Variants in CNTNAP3B observed in about 807,000 individuals in gnomAD.
CNTNAP3B encodes contactin-associated protein-like 3B.
A neutral mutation model predicts 108.9 loss-of-function variants in CNTNAP3B; 25 were observed. The ratio of observed to expected loss-of-function variants is 0.23; its 90% CI spans 0.17 to 0.32. CNTNAP3B has a LOEUF of 0.32. Among genes scored for constraint, CNTNAP3B ranks in the 10% least tolerant of loss-of-function variants. The probability of loss-of-function intolerance (pLI) is 1.00; values close to 1 mark genes in which losing one functional copy is unlikely to be tolerated. For synonymous variants in CNTNAP3B, 103 were observed against 473.4 expected, an observed-to-expected ratio of 0.22 and a Z score of 10.16; for missense variants, 252 against 1,210.4, an observed-to-expected ratio of 0.21 and a Z score of 11.75.
At chr9:41,931,122 C>T (rs1329120387) in intron 14 of CNTNAP3B, among the ~76,000 whole-genome samples, 8 of 152,262 alleles carry the variant, frequency 5.3e-5, no homozygotes, top group Admixed American at 5.2e-4. Flanking sequence ...CAAAAGATCA[C>T]AATAATTGAT....
intron 11 of CNTNAP3B, among the ~76,000 whole-genome samples, chr9:41,962,168 G>GTTATATACAATTAATAA (rs1825118149): frequency 6.6e-6 from 1 of 152,098 alleles, no homozygotes; most frequent in African/African-American, 2.4e-5. Flanking sequence ...TATACAATGA[G>GTTATATACAATTAATAA]TTATATACAA....
Position 41,995,603 on chromosome 9 carries a change from C to A in CNTNAP3B, c.1071+602G>T, listed in dbSNP as rs1169179165. 1.1e-3 allele frequency among the ~76,000 whole-genome samples: 143 copies of A among 129,072 alleles called. 3 individuals are homozygous for A. Among genetic ancestry groups the A allele is most frequent in the African/African-American group, 4.1e-3 (128 of 31,360 alleles). The allele number at this position is 129,072 out of a possible 152,430, so 84.7% of individuals were successfully genotyped here. On this transcript the variant is annotated intron_variant, in intron 7 of 23. Transcript: ENST00000377561. ...ACAAAAAGCCGGGCATGCTGGTGGG[C>A]ACCTGTAGTCCCAGGTACTCGGGAG...
rs1158393836 is a variant in CNTNAP3B at position 42,096,102 on chromosome 9, C to T, written c.196+8527G>A. Reference sequence around the variant, plus strand: ...CTGTCCTCACCGGCCACCAGAGCTGCCGCAGGGCGTCCAGTCCTGTCACTG... The same window carrying T: ...CTGTCCTCACCGGCCACCAGAGCTGTCGCAGGGCGTCCAGTCCTGTCACTG... On this transcript the variant is annotated intron_variant, in intron 2 of 23. Coordinates refer to ENST00000377561, the MANE Select transcript of CNTNAP3B (RefSeq NM_001201380.3). Among the ~76,000 whole-genome samples, 8 of 139,946 alleles carry T rather than the reference C, an allele frequency of 5.7e-5. 1 individual carries two copies. The highest frequency in any genetic ancestry group is 2.3e-4 in the African/African-American group (8 of 35,348). The allele number at this position is 139,946 out of a possible 152,430, so 91.8% of individuals were successfully genotyped here.
At chr9:41,934,323 A>G (rs1320803227) in intron 14 of CNTNAP3B, among the ~76,000 whole-genome samples, 2 of 151,090 alleles carry the variant, frequency 1.3e-5, no homozygotes, top group Non-Finnish European at 2.9e-5. Context: ...GGTTCATGCC[A>G]TTCTCCTGCC....
intron 12 of CNTNAP3B, among the ~76,000 whole-genome samples, chr9:41,955,523 T>C (rs1159052173): frequency 2.0e-5 from 3 of 152,276 alleles, no homozygotes; most frequent in Non-Finnish European, 4.4e-5. Flanking sequence ...ATATAACCCT[T>C]ATATTTTTCT....
rs1826880171 is a variant in CNTNAP3B, at chr9:42,046,601, C to A, written c.390+30268G>T. 2.8e-5 allele frequency among the ~76,000 whole-genome samples: 3 copies of A among 108,500 alleles called. No individual in the cohort carries two copies. The South Asian group carries it at 8.9e-4, about 32-fold the overall frequency. 71.2% of individuals were successfully genotyped at this position (108,500 alleles called of 152,430 possible). A position where few individuals can be genotyped will look rare whatever the true frequency, so the allele number is the denominator to read the frequency against. ...GTGATAGCAGCTGGGTGTTTCATAG[C>A]CAACAGGCCTACACATACCACAGAA... On this transcript the variant is annotated intron_variant, in intron 3 of 23. Coordinates refer to ENST00000377561, the MANE Select transcript of CNTNAP3B (RefSeq NM_001201380.3).
chr9:42,114,978 C>T (rs1443090382), intron 1 of CNTNAP3B, among the ~76,000 whole-genome samples: 3 of 136,512 alleles, frequency 2.2e-5, no homozygotes, highest in Middle Eastern at 3.5e-3. Flanking sequence ...CACTGGAACC[C>T]GGGAGGTGGA....
chr9:41,961,388 G>A (rs1825086632), intron 11 of CNTNAP3B, among the ~76,000 whole-genome samples: 1 of 152,306 alleles, frequency 6.6e-6, no homozygotes. Flanking sequence ...AAAACTTTGT[G>A]AATCTGAATT....
intron 2 of CNTNAP3B, among the ~76,000 whole-genome samples, chr9:42,083,360 CA>C (rs1180574359): frequency 2.7e-5 from 1 of 36,836 alleles, no homozygotes; most frequent in East Asian, 7.4e-4. Flanking sequence ...TTTCACCTAA[CA>C]GAAGAACATG....
At chr9:41,968,736 T>C (rs1054236781) in intron 10 of CNTNAP3B, among the ~76,000 whole-genome samples, 8 of 145,116 alleles carry the variant, frequency 5.5e-5, no homozygotes, top group African/African-American at 2.1e-4. Flanking sequence ...TAAAACAGAA[T>C]TGACTAACTG....
At chr9:42,024,859 G>A (rs1387849867) in intron 3 of CNTNAP3B, among the ~76,000 whole-genome samples, 1 of 144,026 alleles carries the variant, frequency 6.9e-6, no homozygotes, top group Non-Finnish European at 1.5e-5. Context: ...AGCTAATAAA[G>A]CTTCAGACTC....
intron 14 of CNTNAP3B, among the ~76,000 whole-genome samples, chr9:41,934,120 TATACACACAC>T (rs1479752008): frequency 1.7e-4 from 20 of 120,422 alleles, no homozygotes; most frequent in African/African-American, 6.8e-4. Context: ...TATATATATA[TATACACACAC>T]ATATATATAT....
rs540796291 is a variant in CNTNAP3B at position 42,038,516 on chromosome 9, A to T, written c.391-24991T>A. Among the ~76,000 whole-genome samples the T allele has an allele frequency of 3.6e-5, 4 of 112,324 alleles. 1 individual carries two copies. In the South Asian group the frequency reaches 1.1e-3, roughly 31 times the overall value. 73.7% of individuals were successfully genotyped at this position (112,324 alleles called of 152,430 possible). On this transcript the variant is annotated intron_variant, in intron 3 of 23. Transcript: ENST00000377561. ...TAAAACAGACTTTAAACCAACAAAG[A>T]TCAAAAGAGACAAAGAAGGCCATTA...
At chr9:41,988,630 T>C (rs976088302) in intron 8 of CNTNAP3B, among the ~76,000 whole-genome samples, 2 of 147,432 alleles carry the variant, frequency 1.4e-5, no homozygotes, top group African/African-American at 2.5e-5. Context: ...GACATGCAAA[T>C]GAATTTTGTC....
intron 14 of CNTNAP3B, among the ~76,000 whole-genome samples, chr9:41,934,430 C>A (rs1418981197): frequency 2.0e-5 from 3 of 152,256 alleles, no homozygotes; most frequent in Non-Finnish European, 4.4e-5. Context: ...CCTGTGTTAG[C>A]CAGGATGGTC....
chr9:41,963,082 T>C (rs1825155412), intron 11 of CNTNAP3B, among the ~76,000 whole-genome samples: 1 of 152,282 alleles, frequency 6.6e-6, no homozygotes, highest in Non-Finnish European at 1.5e-5. Context: ...TGTCTCCTCT[T>C]TTGCCCAGAT....
In CNTNAP3B at chr9:42,056,456, T is replaced by A. The variant is rs1827073331; in HGVS notation, c.390+20413A>T. On this transcript the variant is annotated intron_variant, in intron 3 of 23. Transcript: ENST00000377561. ...AGCTCCACCTCCCGGGTTCACAGCA[T>A]TCTCCTTCCTCAGCCTCCTGAGTAG... is the stretch of plus-strand genomic sequence containing the variant. 1.5e-5 allele frequency among the ~76,000 whole-genome samples: 2 copies of A among 137,862 alleles called. 1 individual carries two copies. Among genetic ancestry groups the A allele is most frequent in the South Asian group, 4.7e-4 (2 of 4,238 alleles). The allele number at this position is 137,862 out of a possible 152,430, so 90.4% of individuals were successfully genotyped here.
intron 13 of CNTNAP3B, among the ~76,000 whole-genome samples, chr9:41,950,889 T>G (rs1389965889): frequency 3.3e-5 from 5 of 149,396 alleles, no homozygotes; most frequent in Non-Finnish European, 7.4e-5. Context: ...GCCTCCCAAG[T>G]AGACTACAGG....
chr9:41,935,085 A>G (rs1200889310), intron 14 of CNTNAP3B, among the ~76,000 whole-genome samples: 1 of 152,398 alleles, frequency 6.6e-6, no homozygotes, highest in South Asian at 2.1e-4. Flanking sequence ...TCCACTATAC[A>G]TTTATACACA....
Sources: gnomAD v4.1 joint callset for allele counts (sites outside exome capture counted in the v4.1 genomes callset) on GRCh38, gnomAD v4.1.1 for gene constraint, MANE v1.5 for transcripts, NCBI Gene and HGNC (gene_info 2026-07-23, HGNC 2026-07-21) for gene names.